RBPJ: variants seen among roughly 807,000 people sequenced by gnomAD.
The protein encoded by RBPJ is recombination signal binding protein for immunoglobulin kappa J region, also known as recombining binding protein suppressor of hairless.
Under a neutral mutation model 67.8 loss-of-function variants are expected in RBPJ, and 9 were observed. The observed-to-expected ratio is 0.13, with a 90% CI of 0.08 to 0.23. RBPJ has a LOEUF of 0.23. Among genes scored for constraint, RBPJ ranks in the 10% least tolerant of loss-of-function variants. The pLI is 1.00. For missense variants in RBPJ, 305 were observed against 595.6 expected (o/e 0.51, Z 5.08); for synonymous variants, 198 against 203.3 (o/e 0.97, Z 0.22).
In RBPJ at chr4:26,362,598, G is replaced by A. The variant is rs115117936; in HGVS notation, c.21-23755G>A. 1.9e-3 allele frequency: 3,117 copies of A among 1,613,948 alleles called. 7 individuals carry two copies. Among genetic ancestry groups the A allele is most frequent in the Non-Finnish European group, 2.1e-3 (2,469 of 1,179,974 alleles). ...TCCAAGCTGTGACTTACCTTAACAT[G>A]TTCTTGAAGTACCATGGCGTGGATT... On this transcript the variant is annotated intron_variant, in intron 1 of 10. Coordinates refer to ENST00000355476, the MANE Select transcript of RBPJ (RefSeq NM_015874.6).
chr4:26,115,999 A>G, the RBPJ span, among the ~76,000 whole-genome samples: 2 of 152,216 alleles, frequency 1.3e-5, no homozygotes, highest in Non-Finnish European at 1.5e-5. Context: ...ATAAACAGGC[A>G]CCATGAATTG....
chr4:26,257,429 A>G (rs1720377078), intron 1 of RBPJ, among the ~76,000 whole-genome samples: 1 of 152,244 alleles, frequency 6.6e-6, no homozygotes, highest in Non-Finnish European at 1.5e-5. Flanking sequence ...TGGAAGTTTG[A>G]GACAAGCCTG....
chr4:26,120,125 G>A, the RBPJ span, among the ~76,000 whole-genome samples: 1 of 152,188 alleles, frequency 6.6e-6, no homozygotes, highest in African/African-American at 2.4e-5. Flanking sequence ...AAGACCAAGA[G>A]GTCGAGCAGA....
At chr4:26,333,207 A>G (rs1345516183) in intron 1 of RBPJ, among the ~76,000 whole-genome samples, 4 of 152,226 alleles carry the variant, frequency 2.6e-5, no homozygotes, top group Non-Finnish European at 5.9e-5. Context: ...AGGATCCTGC[A>G]AGCAATCCCC....
intron 1 of RBPJ, among the ~76,000 whole-genome samples, chr4:26,350,981 A>T (rs891190473): frequency 2.6e-5 from 4 of 151,978 alleles, no homozygotes; most frequent in African/African-American, 9.7e-5. Context: ...AGGTTGCAAA[A>T]TTTTTTTTGT....
chr4:26,427,943 A>G (rs1381696596), intron 7 of RBPJ, among the ~76,000 whole-genome samples: 1 of 152,214 alleles, frequency 6.6e-6, no homozygotes, highest in Non-Finnish European at 1.5e-5. Flanking sequence ...CAAGTGTCAT[A>G]TAGGGTTTGA....
intron 1 of RBPJ, among the ~76,000 whole-genome samples, chr4:26,178,681 G>C (rs1716881531): frequency 6.6e-6 from 1 of 151,434 alleles, no homozygotes; most frequent in Non-Finnish European, 1.5e-5. Context: ...GCAGAGGAGG[G>C]GAGTGAGAGT....
In RBPJ at chr4:26,209,096, A is replaced by T. The variant is rs536017566; in HGVS notation, c.-167+45482A>T. Among the ~76,000 whole-genome samples, 27 of 90,168 alleles carry T rather than the reference A, an allele frequency of 3.0e-4. 1 individual carries two copies. The highest frequency in any genetic ancestry group is 2.0e-3 in the South Asian group (6 of 3,020). 59.2% of individuals were successfully genotyped at this position (90,168 alleles called of 152,430 possible). ...TAATAACCAGCATTACAGAAGAAAA[A>T]AAATATATATATATATATAAAAGCA... is the stretch of plus-strand genomic sequence containing the variant. On this transcript the variant is annotated intron_variant, in intron 1 of 4. Transcript: ENST00000512351.
rs753722078 is a variant in RBPJ at position 26,430,244 on chromosome 4, A to C, written c.1045-175A>C. ...AGGAGCGTACTTGCCAGAAAATTTAAATGTAAATAAACTTGTATGTTATCT... is the reference window on the plus strand; with the variant it reads ...AGGAGCGTACTTGCCAGAAAATTTACATGTAAATAAACTTGTATGTTATCT... On this transcript the variant is annotated intron_variant, in intron 9 of 10. Transcript: ENST00000355476. The surrounding 1 kb of genome is among the most constrained non-coding windows in gnomAD (Gnocchi z 4.1). 4.1e-5 allele frequency: 35 copies of C among 855,392 alleles called. No individual in the cohort carries two copies. The highest frequency in any genetic ancestry group is 6.2e-5 in the Non-Finnish European group (34 of 550,726). 53.0% of individuals were successfully genotyped at this position (855,392 alleles called of 1,614,324 possible).
chr4:26,387,833 T>A (rs1449098457), intron 2 of RBPJ, among the ~76,000 whole-genome samples: 1 of 152,118 alleles, frequency 6.6e-6, no homozygotes, highest in Non-Finnish European at 1.5e-5. Context: ...AGTGGAAAAA[T>A]CTCATAATTT....
Position 26,285,641 on chromosome 4 carries a change from A to G in RBPJ, c.-166-76805A>G, listed in dbSNP as rs376846302. ...CACCTCACACCAAAACCCTTATGTA[A>G]AAATGGCATGTTACCTGCTTAATGA... On this transcript the variant is annotated intron_variant, in intron 1 of 4. Transcript: ENST00000512351. Among the ~76,000 whole-genome samples, 4 of 151,220 alleles carry G rather than the reference A, an allele frequency of 2.6e-5. 1 individual carries two copies. The East Asian group carries it at 7.7e-4, about 29-fold the overall frequency.
At chr4:26,389,077 AAGTT>A (rs1731224476) in intron 2 of RBPJ, among the ~76,000 whole-genome samples, 1 of 151,994 alleles carries the variant, frequency 6.6e-6, no homozygotes, top group Non-Finnish European at 1.5e-5. Context: ...TAGAAAAAAA[AAGTT>A]AGCCAGGAGT....
intron 1 of RBPJ, among the ~76,000 whole-genome samples, chr4:26,256,755 A>G (rs1429601327): frequency 6.6e-6 from 1 of 152,238 alleles, no homozygotes; most frequent in South Asian, 2.1e-4. Flanking sequence ...TCGAGTTTGC[A>G]AAGTTTAAAA....
chr4:26,291,509 C>G (rs1307053580), intron 1 of RBPJ, among the ~76,000 whole-genome samples: 1 of 150,098 alleles, frequency 6.7e-6, no homozygotes, highest in Admixed American at 6.6e-5. Flanking sequence ...TAAATACTCA[C>G]TAATAAGAAA....
intron 1 of RBPJ, chr4:26,272,678 T>C (rs1254954148): frequency 2.2e-6 from 1 of 453,438 alleles, no homozygotes; most frequent in East Asian, 7.0e-5. Context: ...TGATTCATTC[T>C]TCCTGGTTCT....
chr4:26,321,858 CA>C (rs1405077154), intron 1 of RBPJ: 2 of 152,266 alleles, frequency 1.3e-5, no homozygotes, highest in Non-Finnish European at 2.9e-5. Context: ...TCTAAGTGCA[CA>C]CAAGACTCTA....
chr4:26,136,414 T>G, the RBPJ span, among the ~76,000 whole-genome samples: 219 of 152,246 alleles, frequency 1.4e-3, 3 homozygotes, highest in Admixed American at 0.011. Flanking sequence ...GTTGACTCCC[T>G]CATCCCAGCC....
At chr4:26,373,915 C>CTTTTTTTTTTTTTTTT (rs765161799) in intron 1 of RBPJ, among the ~76,000 whole-genome samples, 2 of 113,338 alleles carry the variant, frequency 1.8e-5, no homozygotes, top group Admixed American at 1.1e-4. Context: ...TTATTTTTTA[C>CTTTTTTTTTTTTTTTT]TTTTTTTTTT....
upstream of RBPJ, chr4:26,163,414 A>AT (rs1716139290): frequency 6.7e-6 from 1 of 148,914 alleles, no homozygotes; most frequent in South Asian, 2.1e-4. Context: ...TTGTGTCTGC[A>AT]TTTTTTCCCT....
Sources: allele counts gnomAD v4.1 joint callset (sites outside exome capture counted in the v4.1 genomes callset), GRCh38; gene constraint gnomAD v4.1.1; non-coding constraint Gnocchi (gnomAD v3.1); transcripts MANE v1.5; gene names NCBI Gene and HGNC (gene_info 2026-07-23, HGNC 2026-07-21).